The following TMEM131 variants were observed in gnomAD, a reference collection of about 807,000 sequenced individuals.
TMEM131 encodes 2610524E03Rik.
Under a neutral mutation model 211.6 loss-of-function variants are expected in TMEM131, and 66 were observed. The ratio of observed to expected loss-of-function variants is 0.31; its 90% CI spans 0.26 to 0.38. The LOEUF is 0.38. Among genes scored for constraint, TMEM131 ranks in the 10% least tolerant of loss-of-function variants. TMEM131 has a pLI of 1.00. For missense variants in TMEM131, 2,036 were observed against 2,299.3 expected, an observed-to-expected ratio of 0.89 and a Z score of 2.34; for synonymous variants, 844 against 841.3, an observed-to-expected ratio of 1.00 and a Z score of -0.06.
intron 1 of TMEM131, among the ~76,000 whole-genome samples, chr2:97,946,082 G>A (rs988293644): frequency 1.3e-5 from 2 of 151,964 alleles, no homozygotes; most frequent in Non-Finnish European, 2.9e-5. Context: ...TGCCAACACA[G>A]CTATTGTGCA....
intron 7 of TMEM131, among the ~76,000 whole-genome samples, chr2:97,839,968 C>A (rs1419805213): frequency 6.6e-6 from 1 of 152,198 alleles, no homozygotes; most frequent in Non-Finnish European, 1.5e-5. Flanking sequence ...CTGAGGAGAA[C>A]ATACTCATGT....
chr2:97,881,838 G>A (rs926735256), intron 4 of TMEM131, among the ~76,000 whole-genome samples: 4 of 151,350 alleles, frequency 2.6e-5, no homozygotes, highest in African/African-American at 9.7e-5. Flanking sequence ...ATGTTAAAAA[G>A]AGCAGTGATT....
intron 3 of TMEM131, among the ~76,000 whole-genome samples, chr2:97,903,422 C>T (rs1261638971): frequency 1.3e-5 from 2 of 152,066 alleles, no homozygotes; most frequent in African/African-American, 2.4e-5. Flanking sequence ...ACCCAGCCAG[C>T]GCAATAACTG....
chr2:97,984,758 C>T (rs1679952428), intron 1 of TMEM131, among the ~76,000 whole-genome samples: 1 of 151,024 alleles, frequency 6.6e-6, no homozygotes. Flanking sequence ...TACATCAATA[C>T]TCATGAGGGA....
At chr2:97,952,008 T>A (rs1678341201) in intron 1 of TMEM131, among the ~76,000 whole-genome samples, 1 of 151,844 alleles carries the variant, frequency 6.6e-6, no homozygotes, top group Non-Finnish European at 1.5e-5. Context: ...AATACAAAAA[T>A]TAGCCAGGTG....
At chr2:97,848,300 A>G (rs1302424710) in intron 5 of TMEM131, among the ~76,000 whole-genome samples, 1 of 152,212 alleles carries the variant, frequency 6.6e-6, no homozygotes, top group East Asian at 1.9e-4. Context: ...ATAAACAAAC[A>G]GTAGCTAAAA....
chr2:97,768,196 G>T (rs1370163374), intron 33 of TMEM131, among the ~76,000 whole-genome samples: 2 of 152,152 alleles, frequency 1.3e-5, no homozygotes, highest in East Asian at 3.8e-4. Flanking sequence ...TAGAATTTTA[G>T]GTAGGATAAC....
chr2:97,974,435 T>TA (rs1413228821), intron 1 of TMEM131, among the ~76,000 whole-genome samples: 1 of 151,550 alleles, frequency 6.6e-6, no homozygotes, highest in Non-Finnish European at 1.5e-5. Flanking sequence ...GAAAAATGTT[T>TA]AAAGAAATAG....
chr2:97,848,177 C>A (rs1683535046), intron 5 of TMEM131, among the ~76,000 whole-genome samples: 1 of 152,134 alleles, frequency 6.6e-6, no homozygotes, highest in Non-Finnish European at 1.5e-5. Flanking sequence ...TGACTTTCAA[C>A]AAAAGTACAG....
Position 97,871,616 on chromosome 2 carries a change from A to G in TMEM131, c.360-12189T>C, listed in dbSNP as rs1674491648. Among the ~76,000 whole-genome samples, 2 of 152,178 alleles carry G rather than the reference A, an allele frequency of 1.3e-5. 1 individual carries two copies. Among genetic ancestry groups the G allele is most frequent in the South Asian group, 4.1e-4 (2 of 4,830 alleles). ...TCAACCGGTCCTGTGGCCCCCACCC[A>G]AAGGCTGACTCAGAGCAGGAGGACC... On this transcript the variant is annotated intron_variant, in intron 4 of 40. Transcript: ENST00000186436.
At chr2:97,893,734 G>GT (rs534822274) in intron 3 of TMEM131, among the ~76,000 whole-genome samples, 23,445 of 151,040 alleles carry the variant, frequency 0.16, 2,545 homozygotes, top group Middle Eastern at 0.28. Context: ...CTTTTTGATG[G>GT]TTTTTTTTTC....
chr2:97,963,630 G>A (rs774845205), intron 1 of TMEM131, among the ~76,000 whole-genome samples: 12 of 152,208 alleles, frequency 7.9e-5, no homozygotes, highest in Non-Finnish European at 1.8e-4. Context: ...CAGGAGAACC[G>A]CTTGAACCAG....
Position 97,759,761 on chromosome 2 carries a change from A to G in TMEM131, c.5109-12T>C, listed in dbSNP as rs1302164018. Reference sequence around the variant, plus strand: ...TCCACAAACCCGAGCTAAATGTTACAAGAGGAAAACGCAACACACAAAAAT... The same window carrying G: ...TCCACAAACCCGAGCTAAATGTTACGAGAGGAAAACGCAACACACAAAAAT... On this transcript the variant is annotated splice_polypyrimidine_tract_variant and intron_variant, in intron 38 of 40. Coordinates refer to ENST00000186436, the MANE Select transcript of TMEM131 (RefSeq NM_015348.2). 6.2e-7 allele frequency: 1 copy of G among 1,605,436 alleles called. No homozygotes were observed. Among genetic ancestry groups the G allele is most frequent in the South Asian group, 1.1e-5 (1 of 89,702 alleles).
intron 11 of TMEM131, among the ~76,000 whole-genome samples, chr2:97,833,045 T>C (rs1356891875): frequency 6.6e-6 from 1 of 152,228 alleles, no homozygotes; most frequent in Non-Finnish European, 1.5e-5. Flanking sequence ...ATGAAATCCT[T>C]ATAACCTGTT....
chr2:97,760,646 G>A lies in TMEM131; in HGVS notation c.5055C>T (p.Phe1685=), dbSNP rs776479798. The A allele has an allele frequency of 6.8e-6, 11 of 1,613,560 alleles. No individual in the cohort carries two copies. In the East Asian group the frequency reaches 2.2e-4, roughly 33 times the overall value. ...FAKVSSNKTG[F]SSSLGISHAP... ...CGTGTGAAATGCCAAGGCTGCTGGA[G>A]AAACCTGTTTTGTTTGAAGAAACTT... is the stretch of plus-strand genomic sequence containing the variant. The change falls in exon 38 of 41, where the codon TTC becomes TTT. Residue 1685 remains phenylalanine, a synonymous_variant. Transcript: ENST00000186436.
Position 97,809,683 on chromosome 2 carries a change from C to A in TMEM131, c.2055+5G>T. 6.2e-7 allele frequency: 1 copy of A among 1,607,318 alleles called. No homozygotes were observed. The highest frequency in any genetic ancestry group is 8.5e-7 in the Non-Finnish European group (1 of 1,176,254). ...ATAGAAAAATGTGTGTATTAATGGT[C>A]TTACTGGAAAGGAAGGTGGAAGAAC... is the stretch of plus-strand genomic sequence containing the variant. On this transcript the variant is annotated splice_donor_5th_base_variant and intron_variant, in intron 19 of 40. Transcript: ENST00000186436.
At chr2:97,859,889 A>G (rs539378109) in intron 4 of TMEM131, among the ~76,000 whole-genome samples, 66 of 152,344 alleles carry the variant, frequency 4.3e-4, no homozygotes, top group Non-Finnish European at 7.5e-4. Context: ...AGATGAGAAT[A>G]CTGGGGCACA....
chr2:97,971,721 G>T (rs2104604105), intron 1 of TMEM131, among the ~76,000 whole-genome samples: 1 of 152,266 alleles, frequency 6.6e-6, no homozygotes, highest in South Asian at 2.1e-4. Context: ...AATTAGCTGG[G>T]CATGGTGGTG....
At chr2:97,974,885 A>G (rs1328527860) in intron 1 of TMEM131, among the ~76,000 whole-genome samples, 1 of 152,212 alleles carries the variant, frequency 6.6e-6, no homozygotes, top group Non-Finnish European at 1.5e-5. Context: ...GGTGGAATAC[A>G]GATATGTGTT....
Sources: allele counts gnomAD v4.1 joint callset (sites outside exome capture counted in the v4.1 genomes callset), GRCh38; gene constraint gnomAD v4.1.1; transcripts MANE v1.5; gene names NCBI Gene and HGNC (gene_info 2026-07-23, HGNC 2026-07-21).